Variants in SLC24A3 observed in about 807,000 individuals in gnomAD.
SLC24A3 encodes the protein sodium/potassium/calcium exchanger 3.
SLC24A3 carries 28 observed loss-of-function variants against 75.8 expected under a neutral mutation model. The observed-to-expected ratio is 0.37, with a 90% CI of 0.27 to 0.51. The LOEUF (loss-of-function observed/expected upper bound fraction) is 0.51. SLC24A3 is among the 20% of genes least tolerant of loss of function. The pLI is 0.94. For missense variants in SLC24A3, 663 were observed against 847.8 expected, an observed-to-expected ratio of 0.78 and a Z score of 2.71; for synonymous variants, 372 against 334.1, an observed-to-expected ratio of 1.11 and a Z score of -1.24.
chr20:19,267,560 A>G (rs758159156), intron 1 of SLC24A3, among the ~76,000 whole-genome samples: 1 of 152,226 alleles, frequency 6.6e-6, no homozygotes, highest in East Asian at 1.9e-4. Context: ...TCAATTTTCT[A>G]ATAAAAGTCA....
chr20:19,305,655 A>G (rs1167844447), intron 2 of SLC24A3, among the ~76,000 whole-genome samples: 3 of 152,186 alleles, frequency 2.0e-5, no homozygotes, highest in Non-Finnish European at 2.9e-5. Flanking sequence ...CAATGGGGAA[A>G]GGACTCCTTA....
At chr20:19,416,639 A>C (rs1986832520) in intron 2 of SLC24A3, among the ~76,000 whole-genome samples, 1 of 152,206 alleles carries the variant, frequency 6.6e-6, no homozygotes, top group Middle Eastern at 3.2e-3. Flanking sequence ...AGTACAAGAG[A>C]GATTCAAGGA....
intron 3 of SLC24A3, among the ~76,000 whole-genome samples, chr20:19,524,159 G>T (rs1258636703): frequency 6.6e-6 from 1 of 152,084 alleles, no homozygotes; most frequent in African/African-American, 2.4e-5. Flanking sequence ...TTTATTAGAT[G>T]CTCTTCCTGC....
At position 19,452,975 on chromosome 20, in the gene SLC24A3, A is replaced by G. The variant is rs193132683; in HGVS notation, c.272-62513A>G. 4.3e-3 allele frequency among the ~76,000 whole-genome samples: 652 copies of G among 152,314 alleles called. 4 individuals are homozygous for G. The highest frequency in any genetic ancestry group is 0.015 in the African/African-American group (630 of 41,582). Reference sequence around the variant, plus strand: ...GAGGTGGGTGGATCACAAGGTCAGGAGTTCAAGACCAGCGTGGCCAAGATG... The same window carrying G: ...GAGGTGGGTGGATCACAAGGTCAGGGGTTCAAGACCAGCGTGGCCAAGATG... On this transcript the variant is annotated intron_variant, in intron 2 of 16. Transcript: ENST00000328041.
chr20:19,412,000 A>C (rs1986751107), intron 2 of SLC24A3, among the ~76,000 whole-genome samples: 1 of 152,130 alleles, frequency 6.6e-6, no homozygotes. Flanking sequence ...TGTATTTTTA[A>C]CTGTGAGTAC....
chr20:19,452,863 A>C (rs966567312), intron 2 of SLC24A3, among the ~76,000 whole-genome samples: 1 of 152,014 alleles, frequency 6.6e-6, no homozygotes, highest in African/African-American at 2.4e-5. Flanking sequence ...AAAAATAATA[A>C]TACTAATAAT....
At chr20:19,579,605 CAA>C (rs1241621197) in intron 3 of SLC24A3, among the ~76,000 whole-genome samples, 1 of 152,070 alleles carries the variant, frequency 6.6e-6, no homozygotes. Context: ...CAGGAAAAAC[CAA>C]AGAGATAAAT....
chr20:19,490,588 A>T (rs1988194896), intron 2 of SLC24A3, among the ~76,000 whole-genome samples: 1 of 152,220 alleles, frequency 6.6e-6, no homozygotes, highest in Admixed American at 6.5e-5. Flanking sequence ...TGACTCAGTA[A>T]TTGATACAGT....
intron 6 of SLC24A3, among the ~76,000 whole-genome samples, chr20:19,618,533 C>T (rs561580809): frequency 1.3e-5 from 2 of 152,268 alleles, no homozygotes; most frequent in East Asian, 1.9e-4. Context: ...GCCCTAGCTC[C>T]AAATACAGCT....
At chr20:19,463,763 A>G (rs1987719243) in intron 2 of SLC24A3, among the ~76,000 whole-genome samples, 2 of 152,202 alleles carry the variant, frequency 1.3e-5, no homozygotes, top group Admixed American at 1.3e-4. Context: ...CAGAAAATGG[A>G]ATCAGGGCTG....
At chr20:19,447,737 A>G (rs1367974445) in intron 2 of SLC24A3, among the ~76,000 whole-genome samples, 1 of 152,148 alleles carries the variant, frequency 6.6e-6, no homozygotes, top group East Asian at 1.9e-4. Flanking sequence ...CTATACCAGG[A>G]TGCCCCATAG....
At chr20:19,282,716 A>C (rs753785156) in intron 2 of SLC24A3, among the ~76,000 whole-genome samples, 8 of 152,248 alleles carry the variant, frequency 5.3e-5, no homozygotes, top group Admixed American at 2.0e-4. Flanking sequence ...CAGACAGGAC[A>C]TGGTGACCAG....
At chr20:19,684,690 C>A (rs1489417577) in intron 11 of SLC24A3, among the ~76,000 whole-genome samples, 1 of 152,132 alleles carries the variant, frequency 6.6e-6, no homozygotes, top group Non-Finnish European at 1.5e-5. Context: ...AATCCAGAGT[C>A]CCTGACTTGA....
rs2032508931 is a variant in SLC24A3 at position 19,675,133 on chromosome 20, C to G, written c.767+1479C>G. Among the ~76,000 whole-genome samples the G allele has an allele frequency of 3.3e-5, 5 of 152,288 alleles. No individual in the cohort carries two copies. The South Asian group carries it at 1.0e-3, about 32-fold the overall frequency. The stretch of plus-strand genomic sequence containing the variant: ...TGTAAGCACCATGGTGGTAAGCCTG[C>G]TGGTTCATCTTTTTGCCAGGCACCA... On this transcript the variant is annotated intron_variant, in intron 9 of 16. Transcript: ENST00000328041.
chr20:19,395,610 T>G (rs141333009), intron 2 of SLC24A3, among the ~76,000 whole-genome samples: 2 of 152,296 alleles, frequency 1.3e-5, no homozygotes, highest in African/African-American at 4.8e-5. Flanking sequence ...ATAATGACAA[T>G]GAAATCTAGC....
intron 15 of SLC24A3, among the ~76,000 whole-genome samples, chr20:19,701,829 GA>G (rs1005300972): frequency 1.9e-4 from 29 of 150,950 alleles, no homozygotes; most frequent in African/African-American, 6.6e-4. Flanking sequence ...AAAAGAAGAA[GA>G]AAAAAAAACC....
intron 2 of SLC24A3, among the ~76,000 whole-genome samples, chr20:19,449,136 G>A (rs1309924579): frequency 1.3e-5 from 2 of 152,220 alleles, no homozygotes; most frequent in Non-Finnish European, 2.9e-5. Flanking sequence ...GGACTCCATG[G>A]CGGTAGAACT....
At chr20:19,653,449 T>A (rs887442913) in intron 6 of SLC24A3, among the ~76,000 whole-genome samples, 1 of 152,144 alleles carries the variant, frequency 6.6e-6, no homozygotes, top group Non-Finnish European at 1.5e-5. Flanking sequence ...AGGCATATAA[T>A]AGAGATGAGG....
intron 2 of SLC24A3, among the ~76,000 whole-genome samples, chr20:19,292,711 C>G (rs900720256): frequency 2.6e-5 from 4 of 152,220 alleles, no homozygotes; most frequent in Non-Finnish European, 5.9e-5. Flanking sequence ...TTGATCTGCA[C>G]TTGACTGACC....
Sources: gnomAD v4.1 joint callset for allele counts (sites outside exome capture counted in the v4.1 genomes callset) on GRCh38, gnomAD v4.1.1 for gene constraint, MANE v1.5 for transcripts, NCBI Gene and HGNC (gene_info 2026-07-23, HGNC 2026-07-21) for gene names.